ZNF574: variants seen among roughly 807,000 people sequenced by gnomAD.
ZNF574 encodes the protein zinc finger protein 574.
A neutral mutation model predicts 56.6 loss-of-function variants in ZNF574; 25 were observed. That is an observed-to-expected ratio of 0.44 (90% CI 0.32 to 0.62). The LOEUF (loss-of-function observed/expected upper bound fraction) is 0.62, where lower values mean the gene tolerates loss of function less well. Ranked by LOEUF, ZNF574 falls within the 20% of genes least tolerant of loss-of-function variation. The probability of loss-of-function intolerance (pLI) is 0.04; values close to 1 mark genes in which losing one functional copy is unlikely to be tolerated. For missense variants in ZNF574, 1,065 were observed against 1,218.9 expected (o/e 0.87, Z 1.88); for synonymous variants, 543 against 492.1 (o/e 1.10, Z -1.37).
At chr19:42,076,440 AGCCGGGCGGGG>A (rs1372396755) in intron 1 of ZNF574, among the ~76,000 whole-genome samples, 154 bp downstream of exon 1, 1 of 151,118 alleles carries the variant, frequency 6.6e-6, no homozygotes, top group African/African-American at 2.4e-5. Flanking sequence ...GCGCGCGGGC[AGCCGGGCGGGG>A]GCCGGGCTGG....
intron 1 of ZNF574, chr19:42,069,124 A>T: frequency 2.4e-6 from 1 of 421,488 alleles, no homozygotes. Flanking sequence ...CTAGTGGGGG[A>T]GGGTACTTGC....
At chr19:42,072,596 C>T (rs1304639162), upstream of ZNF574, among the ~76,000 whole-genome samples, 3 of 147,888 alleles carry the variant, frequency 2.0e-5, no homozygotes, top group South Asian at 2.1e-4. Flanking sequence ...GATGGAGTTT[C>T]GCTCTTGTTG....
In ZNF574 at chr19:42,079,399, C is replaced by G; in HGVS notation, c.793C>G (p.Gln265Glu). Reference sequence around the variant, plus strand: ...GTCACCTGCAGAGGTGCCTGTGTCTCAGCCTGACCCCTTGCCAGCTTCTGA... The same window carrying G: ...GTCACCTGCAGAGGTGCCTGTGTCTGAGCCTGACCCCTTGCCAGCTTCTGA... ...ASSPAEVPVS[Q>E]PDPLPASDHS... Residue 265 changes from glutamine (Q) to glutamate (E), a missense_variant, in exon 2 of 2, where the codon CAG becomes GAG. Physicochemically the swap from Gln to Glu is conservative, Grantham distance 29. Transcript: ENST00000359044. This position sits in a 1 kb window ranked among gnomAD's most constrained non-coding sequence, Gnocchi z 4.3. The G allele has an allele frequency of 6.2e-7, 1 of 1,613,740 alleles. No individual in the cohort carries two copies. Among genetic ancestry groups the G allele is most frequent in the Non-Finnish European group, 8.5e-7 (1 of 1,180,034 alleles).
At chr19:42,070,952 C>T (rs1334606376) in intron 1 of ZNF574, 1 of 152,586 alleles carries the variant, frequency 6.6e-6, no homozygotes, top group African/African-American at 2.4e-5. Context: ...GAGCTGCCAG[C>T]CTGGAGATGC....
Position 42,080,887 on chromosome 19 carries a change from A to G in ZNF574, c.2281A>G (p.Thr761Ala), listed in dbSNP as rs764254359. 1 of 1,613,952 alleles carries G rather than the reference A, an allele frequency of 6.2e-7. No homozygotes were observed. Among genetic ancestry groups the G allele is most frequent in the Non-Finnish European group, 8.5e-7 (1 of 1,180,030 alleles). Residue 761 changes from threonine to alanine, a missense_variant, in exon 2 of 2, where the codon ACA (threonine) becomes GCA (alanine). Physicochemically the swap from Thr to Ala is moderately conservative, Grantham distance 58. Coordinates refer to ENST00000359044, the MANE Select transcript of ZNF574 (RefSeq NM_022752.6). This position sits in a 1 kb window ranked among gnomAD's most constrained non-coding sequence, Gnocchi z 8.5. ...TSLQVHRRIHTGERPYPCPDC... is the reference protein window; with the variant it reads ...TSLQVHRRIHAGERPYPCPDC... ...ACTGCAGGTGCACCGGCGCATCCAC[A>G]CAGGTGAGCGGCCATACCCATGTCC...
Position 42,081,258 on chromosome 19 carries a change from C to T in ZNF574, c.2652C>T (p.Tyr884=). 2.5e-6 allele frequency: 4 copies of T among 1,614,140 alleles called. No individual in the cohort carries two copies. Among genetic ancestry groups the T allele is most frequent in the Non-Finnish European group, 3.4e-6 (4 of 1,180,042 alleles). ...ALPLVEAIEI[Y]PLAEAEGVQI... The stretch of plus-strand genomic sequence containing the variant: ...CCCTGGTGGAAGCCATTGAGATCTA[C>T]CCTCTGGCCGAGGCTGAGGGGGTCC... Residue 884 remains tyrosine (Y), a synonymous_variant, in exon 2 of 2, where the codon TAC becomes TAT. Transcript: ENST00000359044.
chr19:42,074,076 T>G (rs1230849023), upstream of ZNF574, among the ~76,000 whole-genome samples: 2 of 150,290 alleles, frequency 1.3e-5, no homozygotes, highest in Non-Finnish European at 3.0e-5. Flanking sequence ...GAGGTTGCAG[T>G]GAGCTGAGAT....
Position 42,079,427 on chromosome 19 carries a change from A to G in ZNF574, c.821A>G (p.His274Arg), listed in dbSNP as rs2076479482. The change falls in exon 2 of 2, where the codon CAC (histidine) becomes CGC (arginine). Residue 274 changes from histidine to arginine, a missense_variant. Coordinates refer to ENST00000359044, the MANE Select transcript of ZNF574 (RefSeq NM_022752.6). The surrounding 1 kb of genome is among the most constrained non-coding windows in gnomAD (Gnocchi z 4.3). ...SQPDPLPASD[H>R]SYELRNGEAI... is the part of the protein sequence containing the mutation. ...CCTGACCCCTTGCCAGCTTCTGACCACAGTTACGAGCTGCGCAATGGTGAA... is the reference window on the plus strand; with the variant it reads ...CCTGACCCCTTGCCAGCTTCTGACCGCAGTTACGAGCTGCGCAATGGTGAA... 1 of 1,613,544 alleles carries G rather than the reference A, an allele frequency of 6.2e-7. No homozygotes were observed. The highest frequency in any genetic ancestry group is 1.1e-5 in the South Asian group (1 of 91,092).
At chr19:42,073,333 C>T (rs749431552), upstream of ZNF574, among the ~76,000 whole-genome samples, 15 of 152,096 alleles carry the variant, frequency 9.9e-5, no homozygotes, top group Admixed American at 9.2e-4. Flanking sequence ...ATACCTAGCA[C>T]GTCATAATAC....
Position 42,081,082 on chromosome 19 carries a change from G to A in ZNF574, c.2476G>A (p.Asp826Asn). 6.2e-7 allele frequency: 1 copy of A among 1,614,158 alleles called. No individual in the cohort carries two copies. ...HTGERPYSCP[D>N]CGKSYRSFSN... ...AGGCGAACGACCCTACTCCTGCCCT[G>A]ACTGTGGCAAGAGCTACCGCTCCTT... is the stretch of plus-strand genomic sequence containing the variant. Residue 826 changes from aspartate to asparagine, a missense_variant, in exon 2 of 2, where the codon GAC becomes AAC. Physicochemically the swap from Asp to Asn is conservative, Grantham distance 23. Coordinates refer to ENST00000359044, the MANE Select transcript of ZNF574 (RefSeq NM_022752.6).
In ZNF574 at chr19:42,081,216, T is replaced by G; in HGVS notation, c.2610T>G (p.Thr870=). The change falls in exon 2 of 2, where the codon ACT becomes ACG. Residue 870 remains threonine, a synonymous_variant. Coordinates refer to ENST00000359044, the MANE Select transcript of ZNF574 (RefSeq NM_022752.6). ...EAAVGLAVME[T]AVEALPLVEA... ...CCGTTGGCCTGGCCGTCATGGAGAC[T>G]GCTGTGGAGGCGCTACCCCTGGTGG... 1 of 1,614,120 alleles carries G rather than the reference T, an allele frequency of 6.2e-7. No individual in the cohort carries two copies. The highest frequency in any genetic ancestry group is 1.7e-5 in the Admixed American group (1 of 60,026).
upstream of ZNF574, chr19:42,076,129 G>T (rs2076453142): frequency 6.6e-6 from 1 of 152,520 alleles, no homozygotes; most frequent in Non-Finnish European, 1.5e-5. Context: ...GGCCGAGGAG[G>T]AAGGTGGGAG....
At chr19:42,077,759 TG>T (rs1014090029) in intron 1 of ZNF574, among the ~76,000 whole-genome samples, 7 of 152,044 alleles carry the variant, frequency 4.6e-5, no homozygotes, top group Non-Finnish European at 1.0e-4. Flanking sequence ...AGTAGGCTTT[TG>T]TGAAAATGGG....
chr19:42,077,948 C>T lies in ZNF574; in HGVS notation c.-20-639C>T, dbSNP rs1340855079. Reference sequence around the variant, plus strand: ...ACTGGGGGGAAGGGATATAGTTTGACGTGAGGAATCTGGGCACCTGAGGAA... The same window carrying T: ...ACTGGGGGGAAGGGATATAGTTTGATGTGAGGAATCTGGGCACCTGAGGAA... On this transcript the variant is annotated intron_variant, in intron 1 of 1. Coordinates refer to ENST00000359044, the MANE Select transcript of ZNF574 (RefSeq NM_022752.6). 2.6e-5 allele frequency among the ~76,000 whole-genome samples: 4 copies of T among 151,838 alleles called. No individual in the cohort carries two copies. In the East Asian group the frequency reaches 5.8e-4, roughly 22 times the overall value.
rs760574404 is a variant in ZNF574 at position 42,079,187 on chromosome 19, C to A, written c.581C>A (p.Thr194Asn). The change falls in exon 2 of 2, where the codon ACT (threonine) becomes AAT (asparagine). Residue 194 changes from threonine (T) to asparagine (N), a missense_variant. Transcript: ENST00000359044. The surrounding 1 kb of genome is among the most constrained non-coding windows in gnomAD (Gnocchi z 4.3). ...GCAGAAGAGGGTGGGGAAGGGGCGACTGTCCCATCTGCCGCTGCCACCACC... is the reference window on the plus strand; with the variant it reads ...GCAGAAGAGGGTGGGGAAGGGGCGAATGTCCCATCTGCCGCTGCCACCACC... ...RKAEEGGEGA[T>N]VPSAAATTTE... 3 of 1,613,944 alleles carry A rather than the reference C, an allele frequency of 1.9e-6. No homozygotes were observed. Among genetic ancestry groups the A allele is most frequent in the Non-Finnish European group, 2.5e-6 (3 of 1,180,026 alleles).
upstream of ZNF574, chr19:42,075,057 G>A (rs1259783043): frequency 6.6e-6 from 1 of 151,844 alleles, no homozygotes; most frequent in African/African-American, 2.4e-5. Flanking sequence ...CTAATGTTTT[G>A]TATTTTTAGT....
At chr19:42,074,123 G>C (rs2076441863), upstream of ZNF574, among the ~76,000 whole-genome samples, 1 of 122,088 alleles carries the variant, frequency 8.2e-6, no homozygotes, top group South Asian at 2.5e-4. Flanking sequence ...GTGGGCGACA[G>C]AGTGAGACTC....
Position 42,080,647 on chromosome 19 carries a change from C to T in ZNF574, c.2041C>T (p.Arg681Ter). Residue 681 changes from arginine (R) to a stop codon, truncating the protein, a stop_gained, in exon 2 of 2, where the codon CGA becomes TGA. Transcript: ENST00000359044. LOFTEE classifies it high-confidence loss of function. This position sits in a 1 kb window ranked among gnomAD's most constrained non-coding sequence, Gnocchi z 8.5. ...TCGKKVGSAA[R>*]LQAHEAAHAA... is the part of the protein sequence containing the mutation. ...TGGCAAGAAAGTGGGCTCAGCTGCTCGACTGCAGGCACACGAGGCGGCCCA... is the reference window on the plus strand; with the variant it reads ...TGGCAAGAAAGTGGGCTCAGCTGCTTGACTGCAGGCACACGAGGCGGCCCA... 2 of 1,613,018 alleles carry T rather than the reference C, an allele frequency of 1.2e-6. No homozygotes were observed. The highest frequency in any genetic ancestry group is 8.5e-7 in the Non-Finnish European group (1 of 1,179,902).
intron 1 of ZNF574, 82 bp from the exon 2 acceptor site, chr19:42,078,505 G>GT: frequency 9.8e-7 from 1 of 1,017,516 alleles, no homozygotes. Context: ...TAGATCTAAG[G>GT]TATTAGGAGT....
Sources: gnomAD v4.1 joint callset for allele counts (sites outside exome capture counted in the v4.1 genomes callset) on GRCh38, gnomAD v4.1.1 for gene constraint, Gnocchi (gnomAD v3.1) non-coding constraint, MANE v1.5 for transcripts, NCBI Gene and HGNC (gene_info 2026-07-23, HGNC 2026-07-21) for gene names.